The following BCAS3 variants were observed in gnomAD, a reference collection of about 807,000 sequenced individuals.
BCAS3 encodes BCAS4/BCAS3 fusion.
BCAS3 carries 53 observed loss-of-function variants against 116.1 expected under a neutral mutation model. The observed-to-expected ratio is 0.46, with a 90% confidence interval of 0.37 to 0.57. The LOEUF is 0.57. BCAS3 is among the 20% of genes least tolerant of loss of function. BCAS3 has a pLI of 0.00. For synonymous variants in BCAS3, 391 were observed against 408.2 expected (o/e 0.96, Z 0.51); for missense variants, 917 against 1,165.4 (o/e 0.79, Z 3.10).
Position 61,255,390 on chromosome 17 carries a change from T to C in BCAS3, c.2426-112937T>C, listed in dbSNP as rs112937835. ...TTACAGCCTCCAGATCTCCAGAATA[T>C]ACCTTCTTTAGTTTCCACATCACAC... is the stretch of plus-strand genomic sequence containing the variant. On this transcript the variant is annotated intron_variant, in intron 22 of 23. Transcript: ENST00000407086. Among the ~76,000 whole-genome samples, 275 of 152,350 alleles carry C rather than the reference T, an allele frequency of 1.8e-3. 2 individuals carry two copies. Among genetic ancestry groups the C allele is most frequent in the Middle Eastern group, 0.014 (4 of 294 alleles).
chr17:60,913,351 C>T (rs531614948), intron 12 of BCAS3, among the ~76,000 whole-genome samples: 18 of 152,036 alleles, frequency 1.2e-4, no homozygotes, highest in African/African-American at 4.1e-4. Context: ...TGTTAGAGGA[C>T]AGGAAAGAAA....
chr17:60,734,665 G>C (rs1215342348), intron 5 of BCAS3, among the ~76,000 whole-genome samples: 1 of 152,194 alleles, frequency 6.6e-6, no homozygotes, highest in East Asian at 1.9e-4. Context: ...TGAACTCTTT[G>C]TTCTGTCCCA....
At chr17:60,898,283 C>T (rs915770176) in intron 10 of BCAS3, among the ~76,000 whole-genome samples, 1 of 152,088 alleles carries the variant, frequency 6.6e-6, no homozygotes, top group Non-Finnish European at 1.5e-5. Context: ...TTCATGTTTC[C>T]TGTGTCTTTA....
Position 61,222,864 on chromosome 17 carries a change from C to A in BCAS3, c.2425+138300C>A, listed in dbSNP as rs2082183340. ...TGCTGCTGCTCTGGGCTTGTGATTT[C>A]CTTTGCTTTCATGTTTGCTCCCTTT... On this transcript the variant is annotated intron_variant, in intron 22 of 23. Coordinates refer to ENST00000407086, the MANE Select transcript of BCAS3 (RefSeq NM_017679.5). This position sits in a 1 kb window ranked among gnomAD's most constrained non-coding sequence, Gnocchi z 6.1. Among the ~76,000 whole-genome samples, 1 of 152,046 alleles carries A rather than the reference C, an allele frequency of 6.6e-6. No homozygotes were observed. Among genetic ancestry groups the A allele is most frequent in the Admixed American group, 6.6e-5 (1 of 15,260 alleles).
intron 7 of BCAS3, among the ~76,000 whole-genome samples, chr17:60,836,144 T>C (rs184148092): frequency 6.6e-6 from 1 of 151,962 alleles, no homozygotes; most frequent in Admixed American, 6.6e-5. Context: ...CCCACTAGAG[T>C]GGTACATTTG....
intron 22 of BCAS3, among the ~76,000 whole-genome samples, chr17:61,221,219 AGT>A (rs2082093480): frequency 1.3e-5 from 2 of 152,248 alleles, no homozygotes; most frequent in Admixed American, 6.5e-5. Flanking sequence ...TGGAAACAGT[AGT>A]TTGCCTGGCT....
chr17:60,827,454 T>C (rs2050531085), intron 7 of BCAS3, among the ~76,000 whole-genome samples: 1 of 152,226 alleles, frequency 6.6e-6, no homozygotes, highest in African/African-American at 2.4e-5. Context: ...CTTCATTGCC[T>C]AACCGAGTAC....
At position 60,706,498 on chromosome 17, in the gene BCAS3, A is replaced by G. The variant is rs77503474; in HGVS notation, c.215-2721A>G. Among the ~76,000 whole-genome samples the G allele has an allele frequency of 3.8e-3, 573 of 152,316 alleles. 8 individuals are homozygous for G. The East Asian group carries it at 0.074, about 20-fold the overall frequency. On this transcript the variant is annotated intron_variant, in intron 4 of 23. Coordinates refer to ENST00000407086, the MANE Select transcript of BCAS3 (RefSeq NM_017679.5). ...TATTTTAACAGTAAGCCTTCTGGCC[A>G]GCAGTAAGCTATTAGCAGTTAAGTT...
At chr17:60,803,172 T>C (rs1175607299) in intron 6 of BCAS3, among the ~76,000 whole-genome samples, 1 of 152,222 alleles carries the variant, frequency 6.6e-6, no homozygotes. Context: ...TCTTCTTCAC[T>C]TTTTTGTTTT....
chr17:60,974,880 TTTC>T (rs1346482060), intron 14 of BCAS3, among the ~76,000 whole-genome samples: 1 of 152,212 alleles, frequency 6.6e-6, no homozygotes, highest in Non-Finnish European at 1.5e-5. Flanking sequence ...TGCTTGAGTT[TTTC>T]TTCTTATGGC....
At chr17:60,921,445 C>T (rs2059081959) in intron 12 of BCAS3, among the ~76,000 whole-genome samples, 1 of 151,836 alleles carries the variant, frequency 6.6e-6, no homozygotes, top group African/African-American at 2.4e-5. Context: ...AACCCCGTCT[C>T]TACTAAAAAT....
chr17:60,757,363 T>TAAATAAAA (rs779963306), intron 6 of BCAS3, among the ~76,000 whole-genome samples: 3,743 of 148,940 alleles, frequency 0.025, 181 homozygotes, highest in African/African-American at 0.087. Context: ...AATAAATAAA[T>TAAATAAAA]GAGTTTCTCT....
At chr17:60,837,898 C>T (rs1211097909) in intron 7 of BCAS3, among the ~76,000 whole-genome samples, 2 of 152,046 alleles carry the variant, frequency 1.3e-5, no homozygotes, top group African/African-American at 2.4e-5. Flanking sequence ...GTGATCCACC[C>T]CGTTGGCCTC....
chr17:61,375,032 A>G (rs1256753026), intron 23 of BCAS3, among the ~76,000 whole-genome samples: 2 of 152,216 alleles, frequency 1.3e-5, no homozygotes, highest in African/African-American at 4.8e-5. Context: ...AAGCTCTTCC[A>G]AAGATTTCTG....
chr17:61,230,853 C>A (rs1167595227), intron 22 of BCAS3, among the ~76,000 whole-genome samples: 1 of 151,478 alleles, frequency 6.6e-6, no homozygotes, highest in Non-Finnish European at 1.5e-5. Flanking sequence ...GTTTTAAGTT[C>A]TTTGAGAACT....
rs1407581429 is a variant in BCAS3, at chr17:61,084,577, C to T, written c.2425+13C>T. Reference sequence around the variant, plus strand: ...GATGCTGCCTCAGGTAGAAAACCACCTCTGAAATATTTATTGGGCAGTCCT... The same window carrying T: ...GATGCTGCCTCAGGTAGAAAACCACTTCTGAAATATTTATTGGGCAGTCCT... On this transcript the variant is annotated intron_variant, in intron 22 of 23. Coordinates refer to ENST00000407086, the MANE Select transcript of BCAS3 (RefSeq NM_017679.5). The surrounding 1 kb of genome is among the most constrained non-coding windows in gnomAD (Gnocchi z 5.5). The T allele has an allele frequency of 6.3e-7, 1 of 1,592,434 alleles. No individual in the cohort carries two copies. The highest frequency in any genetic ancestry group is 1.3e-5 in the African/African-American group (1 of 74,418).
chr17:61,271,810 TTTTTG>T (rs1047308069), intron 22 of BCAS3, among the ~76,000 whole-genome samples: 2 of 151,754 alleles, frequency 1.3e-5, no homozygotes, highest in African/African-American at 4.8e-5. Flanking sequence ...CCATTTGGGG[TTTTTG>T]TTTTGTTTTG....
chr17:60,800,743 A>G (rs990407382), intron 6 of BCAS3, among the ~76,000 whole-genome samples: 4 of 152,048 alleles, frequency 2.6e-5, no homozygotes, highest in Non-Finnish European at 5.9e-5. Flanking sequence ...TCTGTGATCA[A>G]TTTTGTGTTA....
At chr17:61,293,867 C>T (rs746570935) in intron 22 of BCAS3, among the ~76,000 whole-genome samples, 1 of 152,194 alleles carries the variant, frequency 6.6e-6, no homozygotes, top group African/African-American at 2.4e-5. Context: ...TTCAAGCGAT[C>T]CTCCCACTTC....
Sources: gnomAD v4.1 joint callset for allele counts (sites outside exome capture counted in the v4.1 genomes callset) on GRCh38, gnomAD v4.1.1 for gene constraint, Gnocchi (gnomAD v3.1) non-coding constraint, MANE v1.5 for transcripts, NCBI Gene and HGNC (gene_info 2026-07-23, HGNC 2026-07-21) for gene names.